SH3YL1: variants seen among roughly 807,000 people sequenced by gnomAD.
The protein encoded by SH3YL1 is SH3 and SYLF domain containing 1, also known as SH3 domain-containing YSC84-like protein 1.
In SH3YL1, 41 loss-of-function variants were observed where a neutral mutation model predicts 45.8. That is an observed-to-expected ratio of 0.89 (90% confidence interval 0.70 to 1.16). SH3YL1 has a LOEUF of 1.16. Among genes scored for constraint, SH3YL1 ranks in the 50% most tolerant of loss-of-function variants. SH3YL1 has a pLI of 0.00. For missense variants in SH3YL1, 389 were observed against 409.6 expected, an observed-to-expected ratio of 0.95 and a Z score of 0.43; for synonymous variants, 152 against 151.4, an observed-to-expected ratio of 1.00 and a Z score of -0.03.
At position 247,598 on chromosome 2, in the gene SH3YL1, C is replaced by A; in HGVS notation, c.231G>T (p.Trp77Cys). The A allele has an allele frequency of 1.9e-6, 3 of 1,550,142 alleles. No homozygotes were observed. Among genetic ancestry groups the A allele is most frequent in the Non-Finnish European group, 2.6e-6 (3 of 1,146,484 alleles). Residue 77 changes from tryptophan (W) to cysteine (C), a missense_variant, in exon 4 of 10, where the codon TGG becomes TGT. Coordinates refer to ENST00000356150, the MANE Select transcript of SH3YL1 (RefSeq NM_015677.4). Reference protein sequence around the residue: ...IVVARLPDGKWSAPSAIGIAG... With the variant: ...IVVARLPDGKCSAPSAIGIAG... ...CTATCCCAATGGCTGAGGGTGCAGACCATTCTAATAAAAAAACAAACGAAC... is the reference window on the plus strand; with the variant it reads ...CTATCCCAATGGCTGAGGGTGCAGAACATTCTAATAAAAAAACAAACGAAC...
At chr2:264,049 G>A (rs1163960270), upstream of SH3YL1, 3 of 1,360,242 alleles carry the variant, frequency 2.2e-6, no homozygotes, top group African/African-American at 4.6e-5. Context: ...GCGCTGCCCC[G>A]CCCCGCGGAC....
chr2:255,827 G>C (rs1051582457), intron 1 of SH3YL1: 3 of 152,190 alleles, frequency 2.0e-5, no homozygotes, highest in African/African-American at 7.2e-5. Flanking sequence ...CATGATGCAT[G>C]TGTGTAGCTC....
intron 6 of SH3YL1, among the ~76,000 whole-genome samples, chr2:231,843 GT>G (rs1227775181): frequency 3.9e-5 from 6 of 152,218 alleles, no homozygotes; most frequent in Admixed American, 6.5e-5. Flanking sequence ...AAGATGAATA[GT>G]TCTGAAAACC....
Position 234,291 on chromosome 2 carries a change from T to C in SH3YL1, c.292-19A>G, listed in dbSNP as rs752700953. ...CTGATACCTAAAGTGTAGAAACCCATGGATTTAAAAATCGTTAAGACTAAA... is the reference window on the plus strand; with the variant it reads ...CTGATACCTAAAGTGTAGAAACCCACGGATTTAAAAATCGTTAAGACTAAA... On this transcript the variant is annotated intron_variant, in intron 4 of 9. Transcript: ENST00000356150. 45 of 1,583,398 alleles carry C rather than the reference T, an allele frequency of 2.8e-5. No individual in the cohort carries two copies. The highest frequency in any genetic ancestry group is 3.5e-5 in the Admixed American group (2 of 57,084).
At chr2:262,582 T>C (rs1164927754) in intron 1 of SH3YL1, 1 of 1,303,340 alleles carries the variant, frequency 7.7e-7, no homozygotes, top group South Asian at 1.2e-5. Flanking sequence ...AAACTTCATG[T>C]GCTTAGGTCT....
chr2:231,074 T>C lies in SH3YL1; in HGVS notation c.651A>G (p.Glu217=), dbSNP rs375643191. 5.0e-6 allele frequency: 8 copies of C among 1,614,040 alleles called. No individual in the cohort carries two copies. The highest frequency in any genetic ancestry group is 6.8e-6 in the Non-Finnish European group (8 of 1,180,022). Residue 217 remains glutamate (E), a synonymous_variant, in exon 7 of 10, where the codon GAA becomes GAG. Coordinates refer to ENST00000356150, the MANE Select transcript of SH3YL1 (RefSeq NM_015677.4). ...CTTTTCTTGCATTGATTCGTTGTCC[T>C]TCATTTTCATACTTTTCAGTAAAGG... is the stretch of plus-strand genomic sequence containing the variant. ...LDSFTEKYEN[E]GQRINARKAA... is the part of the protein sequence containing the mutation.
At chr2:228,754 G>A (rs1003312331) in intron 8 of SH3YL1, among the ~76,000 whole-genome samples, 8 of 152,172 alleles carry the variant, frequency 5.3e-5, no homozygotes, top group Non-Finnish European at 1.5e-5. Context: ...TGGTAATGAG[G>A]AATAGGCCTG....
At chr2:261,679 A>C (rs1669596839) in intron 1 of SH3YL1, among the ~76,000 whole-genome samples, 1 of 152,198 alleles carries the variant, frequency 6.6e-6, no homozygotes, top group South Asian at 2.1e-4. Context: ...GGACATGAGA[A>C]TCCTACTCGG....
chr2:244,292 C>T (rs1668684276), intron 4 of SH3YL1, among the ~76,000 whole-genome samples: 4 of 151,910 alleles, frequency 2.6e-5, no homozygotes, highest in East Asian at 1.9e-4. Flanking sequence ...GTCAGGAGAT[C>T]GAGACTATCC....
At chr2:249,005 G>A (rs1418654963) in intron 3 of SH3YL1, among the ~76,000 whole-genome samples, 1 of 152,122 alleles carries the variant, frequency 6.6e-6, no homozygotes, top group East Asian at 1.9e-4. Flanking sequence ...TTGTCTGTAA[G>A]TGTCCCATGC....
In SH3YL1 at chr2:253,838, G is replaced by C. The variant is rs186987093; in HGVS notation, c.2-723C>G. 1.2e-3 allele frequency among the ~76,000 whole-genome samples: 175 copies of C among 152,170 alleles called. 1 individual carries two copies. In the Middle Eastern group the frequency reaches 0.014, roughly 12 times the overall value. On this transcript the variant is annotated intron_variant, in intron 1 of 9. Transcript: ENST00000356150. ...GACCCCTTTTTGGTAACACAATGAA[G>C]CATTACCACAGCATAGCCTATCAAA...
At chr2:248,266 G>A (rs896395403) in intron 3 of SH3YL1, among the ~76,000 whole-genome samples, 1 of 152,088 alleles carries the variant, frequency 6.6e-6, no homozygotes, top group Non-Finnish European at 1.5e-5. Flanking sequence ...CTAGAAAAAT[G>A]TATTTTCAAT....
At chr2:238,051 C>T (rs1294493939) in intron 4 of SH3YL1, among the ~76,000 whole-genome samples, 1 of 152,068 alleles carries the variant, frequency 6.6e-6, no homozygotes, top group Non-Finnish European at 1.5e-5. Context: ...AGCTGAGTCC[C>T]GGGCTGTTGT....
At chr2:219,789 C>T (rs1205529158) in intron 9 of SH3YL1, among the ~76,000 whole-genome samples, 3 of 152,106 alleles carry the variant, frequency 2.0e-5, no homozygotes. Context: ...GCTGTTTCCT[C>T]AGCAGACATT....
chr2:223,302 A>G (rs1176436005), intron 9 of SH3YL1, among the ~76,000 whole-genome samples: 1 of 152,144 alleles, frequency 6.6e-6, no homozygotes, highest in African/African-American at 2.4e-5. Context: ...TCTAATAGAG[A>G]AAGGAACTCT....
At chr2:250,231 AG>A (rs1349895472) in intron 2 of SH3YL1, among the ~76,000 whole-genome samples, 1 of 152,262 alleles carries the variant, frequency 6.6e-6, no homozygotes, top group African/African-American at 2.4e-5. Context: ...AGATCCATAT[AG>A]TATTAAGGAG....
At chr2:254,821 T>C (rs1177914140) in intron 1 of SH3YL1, among the ~76,000 whole-genome samples, 2 of 152,222 alleles carry the variant, frequency 1.3e-5, no homozygotes, top group South Asian at 2.1e-4. Context: ...GCATATCTGA[T>C]TGTTTCCTTT....
At chr2:230,110 C>T in intron 7 of SH3YL1, 66 bp from the exon 8 acceptor site, 1 of 1,277,088 alleles carries the variant, frequency 7.8e-7, no homozygotes, top group Non-Finnish European at 1.1e-6. Context: ...GCACATATAA[C>T]TCTTTTCTAA....
intron 2 of SH3YL1, 110 bp from the exon 3 acceptor site, chr2:249,954 G>A (rs1274639056): frequency 1.4e-5 from 10 of 715,008 alleles, no homozygotes; most frequent in African/African-American, 5.3e-5. Context: ...CTAGGAATTC[G>A]GGGCACACAG....
Sources: gnomAD v4.1 joint callset for allele counts (sites outside exome capture counted in the v4.1 genomes callset) on GRCh38, gnomAD v4.1.1 for gene constraint, MANE v1.5 for transcripts, NCBI Gene and HGNC (gene_info 2026-07-23, HGNC 2026-07-21) for gene names.